The following PALS2 variants were observed in gnomAD, a reference collection of about 807,000 sequenced individuals.
PALS2 encodes protein PALS2.
In PALS2, 27 loss-of-function variants were observed where a neutral mutation model predicts 61.6. That is an observed-to-expected ratio of 0.44 (90% CI 0.32 to 0.60). The LOEUF (loss-of-function observed/expected upper bound fraction) is 0.60. Ranked by LOEUF, PALS2 falls within the 20% of genes least tolerant of loss-of-function variation. The pLI is 0.05. For synonymous variants in PALS2, 236 were observed against 218.6 expected (o/e 1.08, Z -0.70); for missense variants, 554 against 639.4 (o/e 0.87, Z 1.44).
intron 1 of PALS2, among the ~76,000 whole-genome samples, chr7:24,606,861 T>G (rs1405200767): frequency 6.6e-6 from 1 of 152,218 alleles, no homozygotes; most frequent in East Asian, 1.9e-4. Flanking sequence ...ATAAGTTGTC[T>G]GGGGAGAGGA....
At chr7:24,664,476 G>GA (rs1786910359) in intron 6 of PALS2, among the ~76,000 whole-genome samples, 1 of 152,120 alleles carries the variant, frequency 6.6e-6, no homozygotes, top group African/African-American at 2.4e-5. Flanking sequence ...CAAAGCAAAT[G>GA]AGAGTTTTAC....
At chr7:24,655,989 T>C (rs1786395632) in intron 5 of PALS2, among the ~76,000 whole-genome samples, 1 of 152,206 alleles carries the variant, frequency 6.6e-6, no homozygotes, top group African/African-American at 2.4e-5. Flanking sequence ...TGTGTACATC[T>C]GTATTTAACG....
intron 1 of PALS2, among the ~76,000 whole-genome samples, chr7:24,604,624 ATAAAACT>A (rs1393832081): frequency 9.8e-5 from 15 of 152,336 alleles, no homozygotes; most frequent in South Asian, 8.3e-4. Context: ...CTGGTAGAAA[ATAAAACT>A]TAAAAAGAAT....
intron 6 of PALS2, among the ~76,000 whole-genome samples, chr7:24,664,794 T>A (rs547950357): frequency 2.3e-4 from 35 of 152,170 alleles, no homozygotes; most frequent in Non-Finnish European, 4.4e-4. Flanking sequence ...TTTCCTTTAT[T>A]GAATTATTCC....
At chr7:24,583,097 T>G (rs1168039808) in intron 1 of PALS2, among the ~76,000 whole-genome samples, 1 of 152,070 alleles carries the variant, frequency 6.6e-6, no homozygotes, top group Non-Finnish European at 1.5e-5. Flanking sequence ...TTCACCATGT[T>G]GGCCAGGATG....
At chr7:24,604,322 C>T (rs1783822824) in intron 1 of PALS2, among the ~76,000 whole-genome samples, 1 of 150,756 alleles carries the variant, frequency 6.6e-6, no homozygotes, top group African/African-American at 2.4e-5. Context: ...CAAAAAGAAC[C>T]AAGTAGAGAT....
At chr7:24,608,568 A>C (rs534406141) in intron 1 of PALS2, among the ~76,000 whole-genome samples, 1 of 152,054 alleles carries the variant, frequency 6.6e-6, no homozygotes, top group African/African-American at 2.4e-5. Flanking sequence ...AGCAGTTTCA[A>C]CTTTATTCTG....
Position 24,650,521 on chromosome 7 carries a change from A to G in PALS2, c.460A>G (p.Ile154Val). 6.2e-7 allele frequency: 1 copy of G among 1,608,930 alleles called. No homozygotes were observed. The highest frequency in any genetic ancestry group is 8.5e-7 in the Non-Finnish European group (1 of 1,178,638). ...TAGGGTTGAAAATAATGATCTGGTA[A>G]TTGCCCGAATCCTCCATGGGGGAAT... ...TFRVENNDLV[I>V]ARILHGGMID... Residue 154 changes from isoleucine (I) to valine (V), a missense_variant, in exon 5 of 12, where the codon ATT (isoleucine) becomes GTT (valine). Physicochemically the swap from Ile to Val is conservative, Grantham distance 29 (BLOSUM62 3). Transcript: ENST00000222644.
chr7:24,678,906 A>G (rs769586253), intron 9 of PALS2, among the ~76,000 whole-genome samples: 8 of 152,144 alleles, frequency 5.3e-5, no homozygotes, highest in Non-Finnish European at 1.2e-4. Context: ...CACAATTACT[A>G]CCACCATTTT....
In PALS2 at chr7:24,612,668, CTG is replaced by C. The variant is rs559938872; in HGVS notation, c.-2-10996_-2-10995del. On this transcript the variant is annotated intron_variant, in intron 1 of 11. Coordinates refer to ENST00000222644, the MANE Select transcript of PALS2 (RefSeq NM_001303037.2). ...TGGTTATTACGATTATTTAGGAAAACTGTTGATTTTTCTGTGTTGCTCTTATT... is the reference window on the plus strand; with the variant it reads ...TGGTTATTACGATTATTTAGGAAAACTTGATTTTTCTGTGTTGCTCTTATT... 2.4e-3 allele frequency among the ~76,000 whole-genome samples: 370 copies of C among 151,826 alleles called. 1 individual carries two copies. Among genetic ancestry groups the C allele is most frequent in the Non-Finnish European group, 4.1e-3 (278 of 67,718 alleles).
intron 5 of PALS2, 133 bp from the exon 6 acceptor site, chr7:24,663,457 G>A: frequency 1.2e-6 from 1 of 818,422 alleles, no homozygotes; most frequent in Non-Finnish European, 1.7e-6. Flanking sequence ...CCATTTATGA[G>A]AGACAAGTTC....
rs1376019213 is a variant in PALS2 at position 24,693,170 on chromosome 7, TTGAG to T, written c.*5560_*5563del. 6.6e-6 allele frequency: 1 copy of T among 152,144 alleles called. No individual in the cohort carries two copies. The highest frequency in any genetic ancestry group is 1.5e-5 in the Non-Finnish European group (1 of 68,004). 9.4% of individuals were successfully genotyped at this position (152,144 alleles called of 1,614,324 possible). On this transcript the variant is annotated 3_prime_UTR_variant, in exon 12 of 12. Transcript: ENST00000222644. ...AAGGTAAATGCCACCAATCAGAAGA[TTGAG>T]TGATTTACTGCTTGTAAAGCAACTG...
At chr7:24,679,625 G>A (rs920202570) in intron 10 of PALS2, among the ~76,000 whole-genome samples, 2 of 152,110 alleles carry the variant, frequency 1.3e-5, no homozygotes, top group Non-Finnish European at 2.9e-5. Context: ...AAGTGCTTGT[G>A]TTAAGAAATG....
chr7:24,574,463 T>G (rs1049548923), intron 1 of PALS2, among the ~76,000 whole-genome samples: 1 of 152,172 alleles, frequency 6.6e-6, no homozygotes, highest in Non-Finnish European at 1.5e-5. Flanking sequence ...CCTACCAGTT[T>G]CTGGGATTGC....
intron 9 of PALS2, among the ~76,000 whole-genome samples, chr7:24,671,025 C>G (rs995912181): frequency 2.0e-5 from 3 of 152,098 alleles, no homozygotes; most frequent in African/African-American, 7.2e-5. Flanking sequence ...ATGCCTGTTT[C>G]TCTTGGGTAT....
chr7:24,604,126 A>G (rs913648261), intron 1 of PALS2, among the ~76,000 whole-genome samples: 3 of 151,420 alleles, frequency 2.0e-5, no homozygotes. Flanking sequence ...TGGGAGGATT[A>G]CTTGAGCCCG....
intron 1 of PALS2, among the ~76,000 whole-genome samples, chr7:24,582,680 T>C (rs1782889894): frequency 6.6e-6 from 1 of 152,022 alleles, no homozygotes; most frequent in Admixed American, 6.6e-5. Context: ...AACCTAACTT[T>C]AGTTACATAA....
chr7:24,691,458 T>C lies in PALS2; in HGVS notation c.*3844T>C, dbSNP rs555949402. 33 of 143,408 alleles carry C rather than the reference T, an allele frequency of 2.3e-4. 3 individuals are homozygous for C. The South Asian group carries it at 7.2e-3, about 31-fold the overall frequency. The allele number at this position is 143,408 out of a possible 1,614,324, so 8.9% of individuals were successfully genotyped here. A position where few individuals can be genotyped will look rare whatever the true frequency, so the allele number is the denominator to read the frequency against. On this transcript the variant is annotated 3_prime_UTR_variant, in exon 12 of 12. Coordinates refer to ENST00000222644, the MANE Select transcript of PALS2 (RefSeq NM_001303037.2). ...ATATATATATATACAGCTATGTGTA[T>C]AATATGTAAAATTCTCCCAAAATGT... is the stretch of plus-strand genomic sequence containing the variant.
chr7:24,691,598 T>C lies in PALS2; in HGVS notation c.*3984T>C, dbSNP rs1328651477. On this transcript the variant is annotated 3_prime_UTR_variant, in exon 12 of 12. Transcript: ENST00000222644. ...CTTTTTTTAGATTGTTTTAAAACGC[T>C]CTGGTTCCACCTTGAAGCTGATAAT... The C allele has an allele frequency of 2.0e-5, 3 of 151,608 alleles. No individual in the cohort carries two copies. The highest frequency in any genetic ancestry group is 2.0e-4 in the Admixed American group (3 of 15,216). The allele number at this position is 151,608 out of a possible 1,614,324, so 9.4% of individuals were successfully genotyped here.
Sources: gnomAD v4.1 joint callset for allele counts (sites outside exome capture counted in the v4.1 genomes callset) on GRCh38, gnomAD v4.1.1 for gene constraint, MANE v1.5 for transcripts, NCBI Gene and HGNC (gene_info 2026-07-23, HGNC 2026-07-21) for gene names.